The following KCNJ12 variants were observed in gnomAD, a reference collection of about 807,000 sequenced individuals.
KCNJ12 encodes the protein potassium inwardly rectifying channel subfamily J member 12.
Under a neutral mutation model 22.3 loss-of-function variants are expected in KCNJ12, and 2 were observed. The ratio of observed to expected loss-of-function variants is 0.09; its 90% CI spans 0.04 to 0.28. The LOEUF (loss-of-function observed/expected upper bound fraction) is 0.28. KCNJ12 is among the 10% of genes least tolerant of loss of function. KCNJ12 has a pLI of 1.00. For missense variants in KCNJ12, 155 were observed against 633.3 expected (o/e 0.24, Z 8.11); for synonymous variants, 117 against 261.4 (o/e 0.45, Z 5.33).
At chr17:21,407,852 A>G (rs1906063065) in intron 1 of KCNJ12, among the ~76,000 whole-genome samples, 2 of 149,534 alleles carry the variant, frequency 1.3e-5, no homozygotes, top group South Asian at 2.1e-4. Flanking sequence ...CCATACAGCC[A>G]TCCACCCTCA....
rs781921645 is a variant in KCNJ12, at chr17:21,416,542, C to G, written c.1200C>G (p.Ser400Arg). The G allele has an allele frequency of 1.2e-6, 2 of 1,609,176 alleles. No individual in the cohort carries two copies. Among genetic ancestry groups the G allele is most frequent in the East Asian group, 4.5e-5 (2 of 44,820 alleles). The change falls in exon 3 of 3, where the codon AGC becomes AGG. Residue 400 changes from serine (S) to arginine (R), a missense_variant. Transcript: ENST00000583088. ...CGGACGGAGACCAGGACGGCCGAAG[C>G]CGGGACGGCCTCAGCCCCCAGGCCA... The part of the protein sequence containing the change: ...DEADGDQDGR[S>R]RDGLSPQARH...
chr17:21,400,030 C>T lies in KCNJ12; in HGVS notation c.-178-8489C>T, dbSNP rs551143067. On this transcript the variant is annotated intron_variant, in intron 1 of 2. Transcript: ENST00000583088. ...TCAGAACAGCCTCTGTGGGGCCCCG[C>T]TCGCTACCGTCTAGCTGTGGGGTGC... Among the ~76,000 whole-genome samples, 1,318 of 152,296 alleles carry T rather than the reference C, an allele frequency of 8.7e-3. 21 individuals carry two copies. Among genetic ancestry groups the T allele is most frequent in the African/African-American group, 0.031 (1,272 of 41,552 alleles).
chr17:21,415,143 G>A, intron 2 of KCNJ12, 144 bp from the exon 3 acceptor site: 1 of 820,188 alleles, frequency 1.2e-6, no homozygotes, highest in South Asian at 1.8e-5. Context: ...GGCGGAGTGG[G>A]GAGCTGGCTT....
chr17:21,378,708 A>G (rs568351700), intron 1 of KCNJ12, among the ~76,000 whole-genome samples: 1 of 152,010 alleles, frequency 6.6e-6, no homozygotes, highest in South Asian at 2.1e-4. Flanking sequence ...CAAGTCCTCT[A>G]TCACCTCCTT....
chr17:21,412,656 T>TCC (rs1906431044), intron 2 of KCNJ12, among the ~76,000 whole-genome samples: 1 of 152,258 alleles, frequency 6.6e-6, no homozygotes, highest in Admixed American at 6.5e-5. Context: ...GGCTCCCTAC[T>TCC]TCCAGGCCCA....
rs1345361166 is a variant in KCNJ12, at chr17:21,415,369, C to A, written c.27C>A (p.Pro9=). 3.1e-6 allele frequency: 5 copies of A among 1,611,424 alleles called. No homozygotes were observed. The highest frequency in any genetic ancestry group is 4.2e-6 in the Non-Finnish European group (5 of 1,179,994). ...TGACCGCGGCCAGCCGGGCCAACCCCTACAGCATCGTGTCATCGGAGGAGG... is the reference window on the plus strand; with the variant it reads ...TGACCGCGGCCAGCCGGGCCAACCCATACAGCATCGTGTCATCGGAGGAGG... MTAASRAN[P]YSIVSSEEDG... The change falls in exon 3 of 3, where the codon CCC becomes CCA. Residue 9 remains proline, a synonymous_variant. Transcript: ENST00000583088.
At position 21,416,329 on chromosome 17, in the gene KCNJ12, C is replaced by T. The variant is rs374839773; in HGVS notation, c.987C>T (p.Pro329=). The T allele has an allele frequency of 6.5e-5, 105 of 1,612,870 alleles. No homozygotes were observed. The highest frequency in any genetic ancestry group is 3.3e-4 in the Middle Eastern group (2 of 6,030). Residue 329 remains proline (P), a synonymous_variant, in exon 3 of 3, where the codon CCC becomes CCT. Coordinates refer to ENST00000583088, the MANE Select transcript of KCNJ12 (RefSeq NM_021012.5). The part of the protein sequence containing the change: ...NEILWGHRFE[P]VLFEEKNQYK... ...TCCTGTGGGGTCACCGCTTTGAGCC[C>T]GTGCTCTTCGAGGAGAAGAACCAGT...
At chr17:21,379,737 T>C (rs1005923464) in intron 1 of KCNJ12, among the ~76,000 whole-genome samples, 1 of 139,010 alleles carries the variant, frequency 7.2e-6, no homozygotes, top group African/African-American at 2.8e-5. Context: ...AGAGCTGGCC[T>C]GAAACTGGGC....
intron 1 of KCNJ12, among the ~76,000 whole-genome samples, chr17:21,387,154 TCAAAAA>T (rs1309984967): frequency 1.2e-4 from 18 of 146,838 alleles, no homozygotes; most frequent in South Asian, 4.3e-4. Context: ...AGACTCCGTC[TCAAAAA>T]CAAAAACAAA....
chr17:21,393,554 A>AC (rs1352816889), intron 1 of KCNJ12, among the ~76,000 whole-genome samples: 25 of 151,170 alleles, frequency 1.7e-4, no homozygotes, highest in Non-Finnish European at 2.5e-4. Context: ...GGAGCCTCAG[A>AC]CCCCCCCGTG....
intron 1 of KCNJ12, among the ~76,000 whole-genome samples, chr17:21,389,166 C>T (rs1905146901): frequency 6.6e-6 from 1 of 152,186 alleles, no homozygotes; most frequent in Non-Finnish European, 1.5e-5. Flanking sequence ...GGTCTGAGTC[C>T]TGCTATTCAC....
At chr17:21,412,773 G>A (rs1368462324) in intron 2 of KCNJ12, among the ~76,000 whole-genome samples, 5 of 152,304 alleles carry the variant, frequency 3.3e-5, no homozygotes, top group African/African-American at 1.2e-4. Context: ...GTAAGGAAAG[G>A]CATCCCTGCA....
intron 1 of KCNJ12, among the ~76,000 whole-genome samples, chr17:21,407,648 C>T (rs1906040326): frequency 6.6e-6 from 1 of 151,890 alleles, no homozygotes; most frequent in Non-Finnish European, 1.5e-5. Flanking sequence ...TTCATCTACC[C>T]ATCCACTCAG....
intron 1 of KCNJ12, among the ~76,000 whole-genome samples, chr17:21,396,645 G>C (rs1380374913): frequency 6.6e-6 from 1 of 152,202 alleles, no homozygotes; most frequent in East Asian, 1.9e-4. Context: ...TCTTGGTTGG[G>C]GTGAGGGGCC....
intron 1 of KCNJ12, among the ~76,000 whole-genome samples, chr17:21,399,735 G>T (rs147985604): frequency 1.1e-4 from 17 of 152,314 alleles, no homozygotes; most frequent in Non-Finnish European, 1.6e-4. Flanking sequence ...GCCAACGTGC[G>T]TGGTCAAATC....
intron 1 of KCNJ12, among the ~76,000 whole-genome samples, chr17:21,402,407 CACATA>C (rs1905670158): frequency 6.6e-6 from 1 of 152,304 alleles, no homozygotes; most frequent in Non-Finnish European, 1.5e-5. Context: ...ATGATGTCAG[CACATA>C]GTAGAGGCTG....
chr17:21,406,748 A>G (rs1490390554), intron 1 of KCNJ12, among the ~76,000 whole-genome samples: 5 of 152,426 alleles, frequency 3.3e-5, no homozygotes, highest in African/African-American at 9.6e-5. Context: ...GGGGTGACTT[A>G]CCAACATTTG....
chr17:21,401,537 G>A, intron 1 of KCNJ12, among the ~76,000 whole-genome samples: 1 of 152,220 alleles, frequency 6.6e-6, no homozygotes, highest in East Asian at 1.9e-4. Context: ...CAGTTCATAA[G>A]GGAGGAAGGT....
chr17:21,403,823 T>C (rs1360294568), intron 1 of KCNJ12, among the ~76,000 whole-genome samples: 1 of 152,302 alleles, frequency 6.6e-6, no homozygotes, highest in Non-Finnish European at 1.5e-5. Flanking sequence ...ATTTTATAGG[T>C]GAGAAAACTG....
Sources: gnomAD v4.1 joint callset for allele counts (sites outside exome capture counted in the v4.1 genomes callset) on GRCh38, gnomAD v4.1.1 for gene constraint, MANE v1.5 for transcripts, NCBI Gene and HGNC (gene_info 2026-07-23, HGNC 2026-07-21) for gene names.